The following SLC24A4 variants were observed in gnomAD, a reference collection of about 807,000 sequenced individuals.
SLC24A4 encodes solute carrier family 24 member 4.
In SLC24A4, 53 loss-of-function variants were observed where a neutral mutation model predicts 79.0. The observed-to-expected ratio is 0.67, with a 90% CI of 0.54 to 0.84. The LOEUF is 0.84. Among genes scored for constraint, SLC24A4 ranks in the 40% least tolerant of loss-of-function variants. SLC24A4 has a pLI of 0.00. For synonymous variants in SLC24A4, 323 were observed against 323.8 expected, an observed-to-expected ratio of 1.00 and a Z score of 0.03; for missense variants, 731 against 822.0, an observed-to-expected ratio of 0.89 and a Z score of 1.35.
chr14:92,444,388 C>T (rs1395266174), intron 7 of SLC24A4, among the ~76,000 whole-genome samples: 3 of 152,268 alleles, frequency 2.0e-5, no homozygotes, highest in African/African-American at 4.8e-5. Flanking sequence ...TGGGCTGGCA[C>T]CTAAGCCCCG....
chr14:92,483,528 T>G (rs1895182062), intron 13 of SLC24A4, among the ~76,000 whole-genome samples: 2 of 152,166 alleles, frequency 1.3e-5, no homozygotes, highest in Admixed American at 1.3e-4. Flanking sequence ...TACTGGACTT[T>G]TCAGATTTCG....
At chr14:92,383,565 C>G (rs1888970272) in intron 2 of SLC24A4, among the ~76,000 whole-genome samples, 1 of 152,158 alleles carries the variant, frequency 6.6e-6, no homozygotes, top group African/African-American at 2.4e-5. Context: ...CACTTAAATC[C>G]CCCCTGGCTG....
At chr14:92,475,760 A>G (rs1467762267) in intron 12 of SLC24A4, among the ~76,000 whole-genome samples, 1 of 152,206 alleles carries the variant, frequency 6.6e-6, no homozygotes, top group Non-Finnish European at 1.5e-5. Flanking sequence ...TTTTATACAC[A>G]TACCTGGAAA....
chr14:92,325,086 C>A (rs1885049358), intron 1 of SLC24A4, among the ~76,000 whole-genome samples: 1 of 152,042 alleles, frequency 6.6e-6, no homozygotes, highest in African/African-American at 2.4e-5. Flanking sequence ...ATTTTTTTCC[C>A]CCCTCAATTA....
chr14:92,411,465 C>T (rs955890090), intron 2 of SLC24A4, among the ~76,000 whole-genome samples: 1 of 152,202 alleles, frequency 6.6e-6, no homozygotes, highest in Non-Finnish European at 1.5e-5. Flanking sequence ...CTAACCATCT[C>T]TGAGACCAGG....
rs532344442 is a variant in SLC24A4 at position 92,337,059 on chromosome 14, A to G, written c.241+11081A>G. 3.9e-5 allele frequency among the ~76,000 whole-genome samples: 6 copies of G among 152,286 alleles called. No individual in the cohort carries two copies. In the South Asian group the frequency reaches 1.2e-3, roughly 32 times the overall value. On this transcript the variant is annotated intron_variant, in intron 2 of 16. Coordinates refer to ENST00000532405, the MANE Select transcript of SLC24A4 (RefSeq NM_153646.4). ...GGGATTTATCTAGGAGCCAGTGCTC[A>G]ACTAGGGCTAGGGCTGGATCAGATT...
chr14:92,406,425 G>A (rs1890380347), intron 2 of SLC24A4, among the ~76,000 whole-genome samples: 1 of 152,178 alleles, frequency 6.6e-6, no homozygotes. Context: ...GACTCTGTAT[G>A]GGGGCTCCAA....
At chr14:92,484,560 GA>G (rs1895251874) in intron 13 of SLC24A4, 4 of 985,276 alleles carry the variant, frequency 4.1e-6, no homozygotes, top group Middle Eastern at 5.2e-4. Context: ...TTTAGTGAAT[GA>G]AACAAGTCAT....
intron 2 of SLC24A4, among the ~76,000 whole-genome samples, chr14:92,330,176 T>A (rs945348691): frequency 6.6e-6 from 1 of 152,106 alleles, no homozygotes; most frequent in South Asian, 2.1e-4. Context: ...AGAATTGGCA[T>A]CCTGAAGAGA....
intron 2 of SLC24A4, among the ~76,000 whole-genome samples, chr14:92,386,992 C>G (rs1256994643): frequency 6.6e-6 from 1 of 152,102 alleles, no homozygotes; most frequent in Non-Finnish European, 1.5e-5. Flanking sequence ...GTGCCCTGCT[C>G]TCACCCTCAC....
chr14:92,370,754 C>T (rs1358591997), intron 2 of SLC24A4, among the ~76,000 whole-genome samples: 6 of 152,162 alleles, frequency 3.9e-5, no homozygotes, highest in Non-Finnish European at 5.9e-5. Flanking sequence ...CCATTAAGTC[C>T]TCAGCAAATT....
At position 92,334,866 on chromosome 14, in the gene SLC24A4, CCATCAT is replaced by C. The variant is rs747888649; in HGVS notation, c.241+8905_241+8910del. 2.8e-4 allele frequency among the ~76,000 whole-genome samples: 43 copies of C among 151,354 alleles called. 1 individual carries two copies. The highest frequency in any genetic ancestry group is 1.3e-3 in the Admixed American group (20 of 15,202). On this transcript the variant is annotated intron_variant, in intron 2 of 16. Coordinates refer to ENST00000532405, the MANE Select transcript of SLC24A4 (RefSeq NM_153646.4). Reference sequence around the variant, plus strand: ...AACCATACGGAGCCCGTGGTAGCTGCCATCATCATCATCATCATCATCGTCATCATC... The same window carrying C: ...AACCATACGGAGCCCGTGGTAGCTGCCATCATCATCATCATCGTCATCATC...
chr14:92,464,824 A>G (rs755446945), intron 12 of SLC24A4, among the ~76,000 whole-genome samples: 11 of 152,206 alleles, frequency 7.2e-5, no homozygotes, highest in Non-Finnish European at 1.6e-4. Flanking sequence ...AAAGCAGTGA[A>G]GCCATCTTAA....
At chr14:92,412,818 A>G (rs1000219831) in intron 2 of SLC24A4, among the ~76,000 whole-genome samples, 7 of 152,092 alleles carry the variant, frequency 4.6e-5, no homozygotes, top group Admixed American at 6.5e-5. Flanking sequence ...CCAATCAACT[A>G]CAGCCTGCGG....
chr14:92,364,067 G>T (rs1022463531), intron 2 of SLC24A4, among the ~76,000 whole-genome samples: 1 of 152,138 alleles, frequency 6.6e-6, no homozygotes, highest in Admixed American at 6.5e-5. Flanking sequence ...AGGGTACATG[G>T]CAGCTCCCCA....
intron 2 of SLC24A4, among the ~76,000 whole-genome samples, chr14:92,371,819 C>G (rs756655466): frequency 1.3e-5 from 2 of 152,248 alleles, no homozygotes; most frequent in East Asian, 3.9e-4. Context: ...ATAGCAAACA[C>G]TCATTAGGTC....
At chr14:92,330,233 G>A (rs898596799) in intron 2 of SLC24A4, among the ~76,000 whole-genome samples, 3 of 152,124 alleles carry the variant, frequency 2.0e-5, no homozygotes, top group Non-Finnish European at 4.4e-5. Context: ...CACTTGGTAG[G>A]TGTTCAATAA....
intron 1 of SLC24A4, 42 bp from the exon 2 acceptor site, chr14:92,325,826 C>T (rs1885092619): frequency 1.6e-6 from 2 of 1,277,900 alleles, no homozygotes; most frequent in Admixed American, 3.7e-5. Flanking sequence ...ACGCAGCCAT[C>T]ACACTGACCT....
At position 92,498,000 on chromosome 14, in the gene SLC24A4, T is replaced by C. The variant is rs1263327733; in HGVS notation, c.*4372T>C. The stretch of plus-strand genomic sequence containing the variant: ...GATTTCCATGGGAACCATCCTCCCC[T>C]GGGGGCAGTTAGCAGGAGTACGTGG... On this transcript the variant is annotated 3_prime_UTR_variant, in exon 17 of 17. Transcript: ENST00000532405. The C allele has an allele frequency of 5.9e-5, 9 of 152,132 alleles. No homozygotes were observed. Among genetic ancestry groups the C allele is most frequent in the Non-Finnish European group, 1.0e-4 (7 of 67,970 alleles). The allele number at this position is 152,132 out of a possible 1,614,324, so 9.4% of individuals were successfully genotyped here. A position where few individuals can be genotyped will look rare whatever the true frequency, so the allele number is the denominator to read the frequency against.
Sources: gnomAD v4.1 joint callset for allele counts (sites outside exome capture counted in the v4.1 genomes callset) on GRCh38, gnomAD v4.1.1 for gene constraint, MANE v1.5 for transcripts, NCBI Gene and HGNC (gene_info 2026-07-23, HGNC 2026-07-21) for gene names.